MPRIP: variants seen among roughly 807,000 people sequenced by gnomAD.
MPRIP encodes myosin phosphatase Rho-interacting protein.
In MPRIP, 59 loss-of-function variants were observed where a neutral mutation model predicts 234.9. The ratio of observed to expected loss-of-function variants is 0.25; its 90% CI spans 0.20 to 0.31. MPRIP has a LOEUF of 0.31. Among genes scored for constraint, MPRIP ranks in the 10% least tolerant of loss-of-function variants. MPRIP has a pLI of 1.00. For missense variants in MPRIP, 2,436 were observed against 3,071.0 expected (o/e 0.79, Z 4.89); for synonymous variants, 1,144 against 1,263.9 (o/e 0.91, Z 2.01).
chr17:17,172,224 A>T (rs1280218748), intron 17 of MPRIP, among the ~76,000 whole-genome samples: 2 of 152,220 alleles, frequency 1.3e-5, no homozygotes, highest in Non-Finnish European at 2.9e-5. Flanking sequence ...CTCTGGCCAG[A>T]ATGCCCCTGC....
intron 21 of MPRIP, 62 bp downstream of exon 21, chr17:17,176,574 C>A: frequency 7.8e-7 from 1 of 1,277,856 alleles, no homozygotes; most frequent in South Asian, 1.2e-5. Context: ...CATGCGCCTC[C>A]TGAACTCAGG....
intron 1 of MPRIP, among the ~76,000 whole-genome samples, chr17:17,050,789 A>G (rs7222311): frequency 0.83 from 126,893 of 152,314 alleles, 53,120 homozygotes; most frequent in East Asian, 0.99. Flanking sequence ...GAAGGGAGGA[A>G]GGTCCTTGCC....
At chr17:17,085,080 G>C (rs1179198833) in intron 3 of MPRIP, among the ~76,000 whole-genome samples, 1 of 152,174 alleles carries the variant, frequency 6.6e-6, no homozygotes, top group East Asian at 1.9e-4. Flanking sequence ...CCTTTGTGCT[G>C]AGGTCCTGGT....
rs1184990642 is a variant in MPRIP, at chr17:17,078,196, G to C, written c.267+120G>C. 9.2e-6 allele frequency: 10 copies of C among 1,086,702 alleles called. No homozygotes were observed. Among genetic ancestry groups the C allele is most frequent in the Non-Finnish European group, 1.2e-5 (9 of 727,462 alleles). 67.3% of individuals were successfully genotyped at this position (1,086,702 alleles called of 1,614,324 possible). A position where few individuals can be genotyped will look rare whatever the true frequency, so the allele number is the denominator to read the frequency against. On this transcript the variant is annotated intron_variant, in intron 3 of 23. Coordinates refer to ENST00000651222, the MANE Select transcript of MPRIP (RefSeq NM_001364716.4). The surrounding 1 kb of genome is among the most constrained non-coding windows in gnomAD (Gnocchi z 4.3). Reference sequence around the variant, plus strand: ...TGTGCTCCTGCTTGTGTCTGTTTGGGAGTGTGGAATGTTTTGAAGAACTTG... The same window carrying C: ...TGTGCTCCTGCTTGTGTCTGTTTGGCAGTGTGGAATGTTTTGAAGAACTTG...
At chr17:17,070,477 G>C (rs973427715) in intron 1 of MPRIP, among the ~76,000 whole-genome samples, 1 of 152,140 alleles carries the variant, frequency 6.6e-6, no homozygotes, top group Non-Finnish European at 1.5e-5. Flanking sequence ...TTATTAGATG[G>C]GATGATTTCT....
intron 4 of MPRIP, among the ~76,000 whole-genome samples, chr17:17,127,370 G>C (rs935125990): frequency 6.6e-6 from 1 of 152,246 alleles, no homozygotes. Context: ...TGCACAGATT[G>C]GTTTCTGTGA....
chr17:17,130,753 A>G (rs2090581294), intron 4 of MPRIP, among the ~76,000 whole-genome samples: 1 of 151,998 alleles, frequency 6.6e-6, no homozygotes, highest in Non-Finnish European at 1.5e-5. Context: ...GGCAGGACCT[A>G]CACTGCCCTC....
At chr17:17,083,669 A>G (rs927449971) in intron 3 of MPRIP, among the ~76,000 whole-genome samples, 2 of 152,232 alleles carry the variant, frequency 1.3e-5, no homozygotes, top group East Asian at 3.8e-4. Flanking sequence ...GCCCTGCATC[A>G]GAATCTGCAG....
At chr17:17,097,750 C>T (rs771731291) in intron 3 of MPRIP, among the ~76,000 whole-genome samples, 2 of 152,208 alleles carry the variant, frequency 1.3e-5, no homozygotes, top group Non-Finnish European at 2.9e-5. Context: ...AACTGGCTCA[C>T]TCCCAACAGC....
chr17:17,165,348 A>G lies in MPRIP; in HGVS notation c.3757A>G (p.Arg1253Gly), dbSNP rs1291687111. ...CCCAGGCCAACCAGTCCAAGCCACT[A>G]GGGCACCTCTAGGCCTCCCACACAC... ...LLPGQPVQAT[R>G]APLGLPHTRL... is the part of the protein sequence containing the mutation. The change falls in exon 16 of 24, where the codon AGG becomes GGG. Residue 1253 changes from arginine (R) to glycine (G), a missense_variant. By Grantham distance (125) the Arg-to-Gly change is moderately radical (BLOSUM62 -2). Coordinates refer to ENST00000651222, the MANE Select transcript of MPRIP (RefSeq NM_001364716.4). The G allele has an allele frequency of 1.5e-6, 2 of 1,304,164 alleles. No homozygotes were observed. Among genetic ancestry groups the G allele is most frequent in the East Asian group, 5.5e-5 (1 of 18,034 alleles). 80.8% of individuals were successfully genotyped at this position (1,304,164 alleles called of 1,614,324 possible).
At chr17:17,094,276 A>ACT in intron 3 of MPRIP, among the ~76,000 whole-genome samples, 1 of 152,270 alleles carries the variant, frequency 6.6e-6, no homozygotes, top group East Asian at 1.9e-4. Flanking sequence ...CTGGCTGTAG[A>ACT]ATGTTAGATG....
intron 3 of MPRIP, among the ~76,000 whole-genome samples, chr17:17,115,455 C>T (rs1048674252): frequency 6.6e-6 from 1 of 152,336 alleles, no homozygotes; most frequent in South Asian, 2.1e-4. Context: ...CGAGCTCTTT[C>T]TCGTGATGGA....
intron 11 of MPRIP, among the ~76,000 whole-genome samples, chr17:17,149,317 A>C (rs1001779762): frequency 1.3e-5 from 2 of 152,178 alleles, no homozygotes; most frequent in Admixed American, 1.3e-4. Flanking sequence ...ACATGGTGAA[A>C]CCCTGTCTCT....
Position 17,057,647 on chromosome 17 carries a change from C to A in MPRIP, c.123+14676C>A, listed in dbSNP as rs987715668. Reference sequence around the variant, plus strand: ...TATTTCTTTGGCAGCAAAACACCCACCCCCTTGAAATGAAACGTGGAGCTC... The same window carrying A: ...TATTTCTTTGGCAGCAAAACACCCAACCCCTTGAAATGAAACGTGGAGCTC... On this transcript the variant is annotated intron_variant, in intron 1 of 23. Coordinates refer to ENST00000651222, the MANE Select transcript of MPRIP (RefSeq NM_001364716.4). 8.4e-6 allele frequency: 6 copies of A among 718,086 alleles called. No individual in the cohort carries two copies. The Middle Eastern group carries it at 1.1e-3, about 137-fold the overall frequency. 44.5% of individuals were successfully genotyped at this position (718,086 alleles called of 1,614,324 possible).
chr17:17,111,348 A>G (rs755621195), intron 3 of MPRIP, among the ~76,000 whole-genome samples: 2 of 151,940 alleles, frequency 1.3e-5, no homozygotes, highest in Non-Finnish European at 2.9e-5. Flanking sequence ...CTTGAAGGAC[A>G]GGGAAGACCA....
Position 17,185,817 on chromosome 17 carries a change from T to C in MPRIP, c.*923T>C, listed in dbSNP as rs1012180815. On this transcript the variant is annotated 3_prime_UTR_variant, in exon 24 of 24. Coordinates refer to ENST00000651222, the MANE Select transcript of MPRIP (RefSeq NM_001364716.4). ...TTGGAAAAGGTTGAGAGGAGACCCC[T>C]GTTAAGTCAAGAAGAAAGTACAGAG... is the stretch of plus-strand genomic sequence containing the variant. The C allele has an allele frequency of 7.5e-5, 24 of 320,426 alleles. No individual in the cohort carries two copies. In the Admixed American group the frequency reaches 7.7e-4, roughly 10 times the overall value. 19.8% of individuals were successfully genotyped at this position (320,426 alleles called of 1,614,324 possible).
intron 2 of MPRIP, chr17:17,076,094 A>G: frequency 7.3e-6 from 2 of 274,248 alleles, no homozygotes; most frequent in Non-Finnish European, 1.4e-5. Context: ...TTTGCATTAT[A>G]CCGAGCAGCT....
Position 17,174,005 on chromosome 17 carries a change from C to A in MPRIP, c.6680C>A (p.Ala2227Glu). 1 of 1,613,666 alleles carries A rather than the reference C, an allele frequency of 6.2e-7. No individual in the cohort carries two copies. Among genetic ancestry groups the A allele is most frequent in the Non-Finnish European group, 8.5e-7 (1 of 1,180,038 alleles). The change falls in exon 19 of 24, where the codon GCG (alanine) becomes GAG (glutamate). Residue 2227 changes from alanine (A) to glutamate (E), a missense_variant. This residue lies in a region of MPRIP where 1,998 missense variants were observed against 2,520.3 expected (regional missense o/e 0.79). Coordinates refer to ENST00000651222, the MANE Select transcript of MPRIP (RefSeq NM_001364716.4). ...CTGGAGAATGCCCATCTGGCCCAGG[C>A]GCTGGAGGCCGAGCGGCAGGCCCTG... ...KCLENAHLAQALEAERQALRQ... is the reference protein window; with the variant it reads ...KCLENAHLAQELEAERQALRQ...
At chr17:17,140,125 A>G (rs2090782438) in intron 7 of MPRIP, among the ~76,000 whole-genome samples, 1 of 152,208 alleles carries the variant, frequency 6.6e-6, no homozygotes, top group Non-Finnish European at 1.5e-5. Context: ...GGAGGAGGCC[A>G]GTGGGTGGGC....
Sources: allele counts gnomAD v4.1 joint callset (sites outside exome capture counted in the v4.1 genomes callset), GRCh38; gene constraint gnomAD v4.1.1; regional missense constraint gnomAD v4.1.1; non-coding constraint Gnocchi (gnomAD v3.1); transcripts MANE v1.5; gene names NCBI Gene and HGNC (gene_info 2026-07-23, HGNC 2026-07-21).